Variants in ARHGAP26 observed in about 807,000 individuals in gnomAD.
The protein encoded by ARHGAP26 is Rho GTPase activating protein 26.
In ARHGAP26, 38 loss-of-function variants were observed where a neutral mutation model predicts 104.8. That is an observed-to-expected ratio of 0.36 (90% CI 0.28 to 0.48). The LOEUF is 0.48. ARHGAP26 is among the 20% of genes least tolerant of loss of function. ARHGAP26 has a pLI of 0.99. For synonymous variants in ARHGAP26, 341 were observed against 340.0 expected (o/e 1.00, Z -0.03); for missense variants, 704 against 947.9 (o/e 0.74, Z 3.38).
At chr5:143,033,366 A>G (rs1782164373) in intron 12 of ARHGAP26, among the ~76,000 whole-genome samples, 1 of 152,222 alleles carries the variant, frequency 6.6e-6, no homozygotes, top group Admixed American at 6.5e-5. Context: ...AAGTAATTGT[A>G]GTAGTGGGTA....
chr5:142,810,832 A>G (rs779322074), intron 1 of ARHGAP26, among the ~76,000 whole-genome samples: 1 of 152,252 alleles, frequency 6.6e-6, no homozygotes, highest in Non-Finnish European at 1.5e-5. Context: ...AAGTAACCAT[A>G]AGCGTTGATA....
chr5:143,112,827 G>T (rs928777851), intron 17 of ARHGAP26, among the ~76,000 whole-genome samples: 6 of 152,186 alleles, frequency 3.9e-5, no homozygotes, highest in Non-Finnish European at 8.8e-5. Context: ...TATATTGTTT[G>T]TACGTAACAC....
chr5:142,983,497 C>T (rs1424747593), intron 11 of ARHGAP26, among the ~76,000 whole-genome samples: 7 of 152,176 alleles, frequency 4.6e-5, no homozygotes, highest in Non-Finnish European at 7.3e-5. Flanking sequence ...TGAGCCTCCA[C>T]GACCAGCCTG....
chr5:142,787,301 T>C (rs1015501188), intron 1 of ARHGAP26, among the ~76,000 whole-genome samples: 1 of 151,926 alleles, frequency 6.6e-6, no homozygotes, highest in African/African-American at 2.4e-5. Context: ...CAATAATTTA[T>C]ATTTCAAGAA....
At chr5:142,877,852 T>A (rs1047912359) in intron 3 of ARHGAP26, among the ~76,000 whole-genome samples, 31 of 152,312 alleles carry the variant, frequency 2.0e-4, no homozygotes, top group Non-Finnish European at 4.6e-4. Context: ...TTGAGAATCA[T>A]TGACTTTAGG....
At chr5:142,934,779 T>G (rs75324589) in intron 11 of ARHGAP26, among the ~76,000 whole-genome samples, 2 of 151,692 alleles carry the variant, frequency 1.3e-5, no homozygotes, top group Admixed American at 6.6e-5. Context: ...TTTTTTTTTT[T>G]GGAGGGGGTT....
At chr5:143,147,168 TG>T in intron 19 of ARHGAP26, 62 bp from the exon 20 acceptor site, 1 of 1,537,652 alleles carries the variant, frequency 6.5e-7, no homozygotes, top group Non-Finnish European at 8.8e-7. Flanking sequence ...TTTTTGTGCA[TG>T]TAGCAATAGA....
In ARHGAP26 at chr5:143,088,444, A is replaced by G. The variant is rs77293676; in HGVS notation, c.1538+30697A>G. Among the ~76,000 whole-genome samples the G allele has an allele frequency of 7.1e-3, 1,085 of 151,972 alleles. 12 individuals are homozygous for G. The highest frequency in any genetic ancestry group is 0.025 in the African/African-American group (1,027 of 41,352). On this transcript the variant is annotated intron_variant, in intron 17 of 22. Transcript: ENST00000645722. ...GTTCTGAGATGCCATGATGATCATA[A>G]AACTCAGGGGTTTGGACCAAATTGT...
At chr5:143,160,188 T>G (rs1175771397) in intron 20 of ARHGAP26, among the ~76,000 whole-genome samples, 1 of 151,404 alleles carries the variant, frequency 6.6e-6, no homozygotes, top group Non-Finnish European at 1.5e-5. Flanking sequence ...GCCTCCTGAA[T>G]AGCTGGGACT....
At chr5:143,127,684 C>T (rs559919945) in intron 18 of ARHGAP26, among the ~76,000 whole-genome samples, 2 of 152,306 alleles carry the variant, frequency 1.3e-5, no homozygotes, top group Admixed American at 1.3e-4. Flanking sequence ...ATTTGGGCCA[C>T]CAATCTGCCT....
At chr5:143,063,065 A>AC (rs963847401) in intron 17 of ARHGAP26, among the ~76,000 whole-genome samples, 5 of 152,136 alleles carry the variant, frequency 3.3e-5, no homozygotes, top group African/African-American at 4.8e-5. Flanking sequence ...TAACCACTGA[A>AC]CACCGCAGTG....
At chr5:142,932,158 T>A (rs917140415) in intron 11 of ARHGAP26, 33 bp downstream of exon 11, 5 of 1,595,240 alleles carry the variant, frequency 3.1e-6, no homozygotes, top group Non-Finnish European at 4.3e-6. Context: ...AGAGCAAGAA[T>A]GAAGGCCCTG....
chr5:142,855,573 C>T (rs1382924691), intron 1 of ARHGAP26, among the ~76,000 whole-genome samples: 1 of 152,190 alleles, frequency 6.6e-6, no homozygotes, highest in Non-Finnish European at 1.5e-5. Flanking sequence ...ATCTGTGTGT[C>T]CATCTATCCT....
chr5:143,007,952 A>G (rs1778222581), intron 11 of ARHGAP26, among the ~76,000 whole-genome samples: 1 of 152,266 alleles, frequency 6.6e-6, no homozygotes, highest in Non-Finnish European at 1.5e-5. Flanking sequence ...CCAATGCCAC[A>G]GGGTCCCTCA....
intron 1 of ARHGAP26, among the ~76,000 whole-genome samples, chr5:142,782,540 G>C (rs1456458165): frequency 6.6e-6 from 1 of 152,142 alleles, no homozygotes; most frequent in East Asian, 1.9e-4. Context: ...GGTGAAGAAC[G>C]CCTGGCATGG....
chr5:142,795,909 C>T (rs1597656643), intron 1 of ARHGAP26, among the ~76,000 whole-genome samples: 1 of 152,134 alleles, frequency 6.6e-6, no homozygotes, highest in Non-Finnish European at 1.5e-5. Flanking sequence ...AAGTATCTGC[C>T]CTCTTTAAGA....
chr5:142,920,848 C>T (rs1763099105), intron 10 of ARHGAP26, among the ~76,000 whole-genome samples: 1 of 152,250 alleles, frequency 6.6e-6, no homozygotes, highest in African/African-American at 2.4e-5. Context: ...ACCTGGAGGG[C>T]CAGAATACTG....
chr5:142,832,737 G>A (rs886466160), intron 1 of ARHGAP26, among the ~76,000 whole-genome samples: 9 of 152,164 alleles, frequency 5.9e-5, no homozygotes, highest in Non-Finnish European at 1.2e-4. Context: ...AGTTTACAAA[G>A]ATCATGAAGA....
At chr5:143,145,995 TG>T (rs1409507235) in intron 19 of ARHGAP26, among the ~76,000 whole-genome samples, 1 of 152,202 alleles carries the variant, frequency 6.6e-6, no homozygotes, top group African/African-American at 2.4e-5. Flanking sequence ...GTTCAAATAT[TG>T]GCCTTTAAAT....
Sources: allele counts gnomAD v4.1 joint callset (sites outside exome capture counted in the v4.1 genomes callset), GRCh38; gene constraint gnomAD v4.1.1; transcripts MANE v1.5; gene names NCBI Gene and HGNC (gene_info 2026-07-23, HGNC 2026-07-21).